Variants in SLCO2B1 observed in about 807,000 individuals in gnomAD.
SLCO2B1 encodes the protein solute carrier organic anion transporter family member 2B1, also known as OATP-RP2.
In SLCO2B1, 41 loss-of-function variants were observed where a neutral mutation model predicts 67.3. That is an observed-to-expected ratio of 0.61 (90% CI 0.47 to 0.79). The LOEUF (loss-of-function observed/expected upper bound fraction) is 0.79, where lower values mean the gene tolerates loss of function less well. Among genes scored for constraint, SLCO2B1 ranks in the 30% least tolerant of loss-of-function variants. SLCO2B1 has a pLI of 0.00. For missense variants in SLCO2B1, 837 were observed against 920.1 expected (o/e 0.91, Z 1.17); for synonymous variants, 379 against 381.4 (o/e 0.99, Z 0.07).
intron 7 of SLCO2B1, among the ~76,000 whole-genome samples, chr11:75,180,006 A>T (rs79056064): frequency 0.068 from 9,740 of 143,846 alleles, 433 homozygotes; most frequent in Non-Finnish European, 0.1. Flanking sequence ...TCCCTCTCTT[A>T]GTTATTTTTA....
At chr11:75,165,657 G>A (rs888210182) in intron 3 of SLCO2B1, 130 bp from the exon 4 acceptor site, 3 of 1,083,824 alleles carry the variant, frequency 2.8e-6, no homozygotes, top group Non-Finnish European at 4.1e-6. Flanking sequence ...CCAGGAGAGG[G>A]ACCCAGATGA....
chr11:75,183,590 T>TCATAG (rs1328644904), intron 7 of SLCO2B1, among the ~76,000 whole-genome samples: 1 of 152,136 alleles, frequency 6.6e-6, no homozygotes, highest in East Asian at 1.9e-4. Context: ...AGAGGTGCCA[T>TCATAG]CATAGCTTAC....
Position 75,162,765 on chromosome 11 carries a change from A to G in SLCO2B1, c.127A>G (p.Ser43Gly). The G allele has an allele frequency of 2.5e-6, 4 of 1,613,934 alleles. No individual in the cohort carries two copies. The highest frequency in any genetic ancestry group is 3.4e-6 in the Non-Finnish European group (4 of 1,179,900). The change falls in exon 2 of 14, where the codon AGT (serine) becomes GGT (glycine). Residue 43 changes from serine (S) to glycine (G), a missense_variant. Physicochemically the swap from Ser to Gly is moderately conservative, Grantham distance 56 (BLOSUM62 0). Coordinates refer to ENST00000289575, the MANE Select transcript of SLCO2B1 (RefSeq NM_007256.5). ...ASPDPQDVRP[S>G]VFHNIKLFVL... ...CCCAGACCCTCAGGACGTGCGGCCA[A>G]GTGTGTTCCATAACATCAAGGTACC...
chr11:75,160,395 T>C (rs535487860), intron 1 of SLCO2B1, among the ~76,000 whole-genome samples: 4 of 152,220 alleles, frequency 2.6e-5, no homozygotes, highest in African/African-American at 9.6e-5. Context: ...ATCAGAAGCA[T>C]AGAGATAATA....
chr11:75,162,332 G>A lies in SLCO2B1; in HGVS notation c.17-323G>A, dbSNP rs541330646. ...TACCCTACTGCTGGGGCCACTACCT[G>A]CAGGTGTGTTGTGTAGAGAGGTCAG... is the stretch of plus-strand genomic sequence containing the variant. On this transcript the variant is annotated intron_variant, in intron 1 of 13. Transcript: ENST00000289575. Among the ~76,000 whole-genome samples the A allele has an allele frequency of 3.9e-5, 6 of 152,304 alleles. No individual in the cohort carries two copies. In the East Asian group the frequency reaches 1.2e-3, roughly 29 times the overall value.
chr11:75,204,175 G>T, intron 13 of SLCO2B1: 1 of 388,868 alleles, frequency 2.6e-6, no homozygotes. Flanking sequence ...GCCAGGCCAG[G>T]CCACAGAGCA....
rs534498185 is a variant in SLCO2B1, at chr11:75,193,874, G to A, written c.1433+299G>A. Among the ~76,000 whole-genome samples the A allele has an allele frequency of 6.6e-6, 1 of 152,348 alleles. No homozygotes were observed. Among genetic ancestry groups the A allele is most frequent in the East Asian group, 1.9e-4 (1 of 5,168 alleles). ...AGCCACCCATGGGATGGCATGTCCA[G>A]GGTGACCAAGCCCTGTGGGCCCAAC... On this transcript the variant is annotated intron_variant, in intron 9 of 13. Coordinates refer to ENST00000289575, the MANE Select transcript of SLCO2B1 (RefSeq NM_007256.5). This position sits in a 1 kb window ranked among gnomAD's most constrained non-coding sequence, Gnocchi z 4.2.
intron 4 of SLCO2B1, among the ~76,000 whole-genome samples, chr11:75,168,168 C>G (rs764483958): frequency 4.1e-4 from 63 of 152,310 alleles, no homozygotes; most frequent in Middle Eastern, 6.8e-3. Context: ...GCTGGGATTA[C>G]AGGCATGAGC....
intron 6 of SLCO2B1, among the ~76,000 whole-genome samples, chr11:75,170,852 A>G (rs544478619): frequency 1.3e-5 from 2 of 152,166 alleles, no homozygotes; most frequent in South Asian, 4.2e-4. Context: ...GCTCCATGCA[A>G]GGGGGTGTGT....
intron 7 of SLCO2B1, among the ~76,000 whole-genome samples, chr11:75,178,445 C>CAA (rs1799351288): frequency 6.6e-6 from 1 of 152,138 alleles, no homozygotes; most frequent in Non-Finnish European, 1.5e-5. Context: ...TGCCTTTTTT[C>CAA]TAAACTTGTA....
chr11:75,204,292 G>A (rs901583129), intron 13 of SLCO2B1, 108 bp from the exon 14 acceptor site: 4 of 1,161,908 alleles, frequency 3.4e-6, no homozygotes, highest in Non-Finnish European at 4.9e-6. Context: ...AGAGGTCAAT[G>A]TCTCCCTGAG....
At chr11:75,195,326 T>C (rs1250110552) in intron 9 of SLCO2B1, among the ~76,000 whole-genome samples, 1 of 152,178 alleles carries the variant, frequency 6.6e-6, no homozygotes, top group East Asian at 1.9e-4. Flanking sequence ...TGCCTCCTGA[T>C]GGGCCCTCAG....
intron 11 of SLCO2B1, chr11:75,201,919 A>T (rs1945189282): frequency 6.6e-6 from 1 of 152,172 alleles, no homozygotes; most frequent in Non-Finnish European, 1.5e-5. Flanking sequence ...TTGGGGCTGA[A>T]AGTCCTAACC....
At chr11:75,184,101 C>T (rs1020333235) in intron 7 of SLCO2B1, among the ~76,000 whole-genome samples, 2 of 152,236 alleles carry the variant, frequency 1.3e-5, no homozygotes, top group African/African-American at 4.8e-5. Flanking sequence ...AGTTCAAGAA[C>T]TCCCTGGCGG....
intron 3 of SLCO2B1, among the ~76,000 whole-genome samples, chr11:75,165,153 C>A (rs757418065): frequency 7.2e-5 from 11 of 152,162 alleles, no homozygotes; most frequent in Admixed American, 1.3e-4. Context: ...AGCCTTGGGC[C>A]AGGCACGGTG....
rs1235655121 is a variant in SLCO2B1 at position 75,205,364 on chromosome 11, T to A, written c.*784T>A. The A allele has an allele frequency of 6.6e-6, 1 of 152,290 alleles. No homozygotes were observed. Among genetic ancestry groups the A allele is most frequent in the Non-Finnish European group, 1.5e-5 (1 of 68,082 alleles). 9.4% of individuals were successfully genotyped at this position (152,290 alleles called of 1,614,324 possible). A position where few individuals can be genotyped will look rare whatever the true frequency, so the allele number is the denominator to read the frequency against. On this transcript the variant is annotated 3_prime_UTR_variant, in exon 14 of 14. Coordinates refer to ENST00000289575, the MANE Select transcript of SLCO2B1 (RefSeq NM_007256.5). The stretch of plus-strand genomic sequence containing the variant: ...TGCCTTAGGGCCCTGGGTGGGCAAG[T>A]CTGGGCCCTGGGGTAGGGAGGGAGA...
In SLCO2B1 at chr11:75,188,125, G is replaced by T; in HGVS notation, c.973-11G>T. ...TCCAGCGGACTGTCCTTGGTTTTGT[G>T]TCTCCTTCAGGGCAAGGACTCTCCC... On this transcript the variant is annotated splice_polypyrimidine_tract_variant and intron_variant, in intron 7 of 13. Coordinates refer to ENST00000289575, the MANE Select transcript of SLCO2B1 (RefSeq NM_007256.5). 6.2e-7 allele frequency: 1 copy of T among 1,605,382 alleles called. No homozygotes were observed. The highest frequency in any genetic ancestry group is 8.5e-7 in the Non-Finnish European group (1 of 1,173,174).
At chr11:75,154,136 G>A (rs1949720757) in intron 1 of SLCO2B1, among the ~76,000 whole-genome samples, 1 of 150,992 alleles carries the variant, frequency 6.6e-6, no homozygotes, top group South Asian at 2.1e-4. Context: ...ATGTTGGCCA[G>A]GCTGGTCTCG....
intron 7 of SLCO2B1, among the ~76,000 whole-genome samples, chr11:75,184,825 C>T (rs1950130267): frequency 6.6e-6 from 1 of 152,006 alleles, no homozygotes; most frequent in Non-Finnish European, 1.5e-5. Flanking sequence ...AGATGGTATT[C>T]TTTTCCTCTC....
Sources: gnomAD v4.1 joint callset for allele counts (sites outside exome capture counted in the v4.1 genomes callset) on GRCh38, gnomAD v4.1.1 for gene constraint, Gnocchi (gnomAD v3.1) non-coding constraint, MANE v1.5 for transcripts, NCBI Gene and HGNC (gene_info 2026-07-23, HGNC 2026-07-21) for gene names.